ATP2B2: variants seen among roughly 807,000 people sequenced by gnomAD.
ATP2B2 encodes the protein ATPase plasma membrane Ca2+ transporting 2.
Under a neutral mutation model 120.0 loss-of-function variants are expected in ATP2B2, and 15 were observed. That is an observed-to-expected ratio of 0.12 (90% CI 0.08 to 0.19). The LOEUF (loss-of-function observed/expected upper bound fraction) is 0.19. Ranked by LOEUF, ATP2B2 falls within the 10% of genes least tolerant of loss-of-function variation. ATP2B2 has a pLI of 1.00. For synonymous variants in ATP2B2, 694 were observed against 700.3 expected (o/e 0.99, Z 0.14); for missense variants, 1,045 against 1,719.8 (o/e 0.61, Z 6.94).
chr3:10,542,210 T>C (rs1211773847), intron 2 of ATP2B2, among the ~76,000 whole-genome samples: 1 of 152,208 alleles, frequency 6.6e-6, no homozygotes, highest in East Asian at 1.9e-4. Flanking sequence ...TGCCAATCTT[T>C]GTCTTTGAAT....
intron 22 of ATP2B2, among the ~76,000 whole-genome samples, chr3:10,336,999 G>A (rs2060134191): frequency 6.6e-6 from 1 of 152,212 alleles, no homozygotes; most frequent in African/African-American, 2.4e-5. Flanking sequence ...GGTGGGGGCA[G>A]GCTGGGAGGG....
At chr3:10,565,981 C>T (rs986006671) in intron 2 of ATP2B2, among the ~76,000 whole-genome samples, 1 of 152,180 alleles carries the variant, frequency 6.6e-6, no homozygotes, top group Non-Finnish European at 1.5e-5. Context: ...CATCTGTCCA[C>T]CCACTCATCC....
intron 1 of ATP2B2, among the ~76,000 whole-genome samples, chr3:10,482,138 T>C (rs899643233): frequency 2.6e-5 from 4 of 152,192 alleles, no homozygotes; most frequent in Non-Finnish European, 5.9e-5. Flanking sequence ...GGTAGGTGCT[T>C]AATGTCTAGT....
intron 1 of ATP2B2, among the ~76,000 whole-genome samples, chr3:10,674,349 T>C (rs563351408): frequency 2.0e-5 from 3 of 152,358 alleles, no homozygotes; most frequent in Admixed American, 6.5e-5. Flanking sequence ...TTTTAGGTCC[T>C]GGATTAAGCT....
At chr3:10,700,375 C>T (rs114884105) in intron 1 of ATP2B2, among the ~76,000 whole-genome samples, 4 of 152,094 alleles carry the variant, frequency 2.6e-5, no homozygotes, top group Non-Finnish European at 5.9e-5. Flanking sequence ...TGATTTCCTG[C>T]GATATGTCCC....
chr3:10,653,339 A>ATTT (rs563445726), intron 1 of ATP2B2, among the ~76,000 whole-genome samples: 391 of 152,260 alleles, frequency 2.6e-3, no homozygotes, highest in African/African-American at 9.0e-3. Context: ...CCAAGACTTC[A>ATTT]AAGTGCCCAG....
At chr3:10,511,645 C>T (rs2066763432) in intron 3 of ATP2B2, among the ~76,000 whole-genome samples, 2 of 152,206 alleles carry the variant, frequency 1.3e-5, no homozygotes, top group Admixed American at 6.5e-5. Flanking sequence ...TCAGATCCCA[C>T]TGCCCAGAGA....
chr3:10,666,280 A>C (rs2070931016), intron 1 of ATP2B2, among the ~76,000 whole-genome samples: 1 of 152,194 alleles, frequency 6.6e-6, no homozygotes, highest in Non-Finnish European at 1.5e-5. Flanking sequence ...AGATGACCAG[A>C]GTGGGCACGG....
chr3:10,449,734 G>A lies in ATP2B2; in HGVS notation c.-191C>T, dbSNP rs2063967479. ...GTGACAGTGGTGGTGAGCTCCAAGAGGTGTCCTCCGGTGTGGGACGAGGTC... is the reference window on the plus strand; with the variant it reads ...GTGACAGTGGTGGTGAGCTCCAAGAAGTGTCCTCCGGTGTGGGACGAGGTC... On this transcript the variant is annotated 5_prime_UTR_variant, in exon 2 of 23. Transcript: ENST00000360273. 1 of 680,490 alleles carries A rather than the reference G, an allele frequency of 1.5e-6. No individual in the cohort carries two copies. The highest frequency in any genetic ancestry group is 1.6e-5 in the South Asian group (1 of 61,136). 42.2% of individuals were successfully genotyped at this position (680,490 alleles called of 1,614,324 possible).
intron 1 of ATP2B2, among the ~76,000 whole-genome samples, chr3:10,656,684 T>A (rs1488242330): frequency 1.3e-5 from 2 of 152,184 alleles, no homozygotes; most frequent in Admixed American, 6.5e-5. Context: ...AGTGGAGAGA[T>A]GCAAAATGGA....
intron 1 of ATP2B2, among the ~76,000 whole-genome samples, chr3:10,691,770 T>C (rs938919144): frequency 1.8e-4 from 28 of 152,212 alleles, no homozygotes; most frequent in African/African-American, 6.8e-4. Flanking sequence ...GGTTTCTACA[T>C]GTCTGCACTT....
chr3:10,357,367 A>C (rs2060766780), intron 14 of ATP2B2, among the ~76,000 whole-genome samples: 1 of 152,116 alleles, frequency 6.6e-6, no homozygotes, highest in South Asian at 2.1e-4. Flanking sequence ...AGGATCACAG[A>C]TCTGTCTGAT....
At chr3:10,624,306 G>A (rs2069632787) in intron 1 of ATP2B2, among the ~76,000 whole-genome samples, 1 of 152,164 alleles carries the variant, frequency 6.6e-6, no homozygotes, top group Non-Finnish European at 1.5e-5. Context: ...CACCCCCTCA[G>A]TAACTTTTCC....
chr3:10,431,918 T>C (rs1447764761), intron 2 of ATP2B2, among the ~76,000 whole-genome samples: 1 of 152,140 alleles, frequency 6.6e-6, no homozygotes, highest in East Asian at 1.9e-4. Context: ...TTAAAGCTAT[T>C]TATAGCAAAA....
chr3:10,681,761 AT>A (rs1364667533), intron 1 of ATP2B2, among the ~76,000 whole-genome samples: 2 of 152,226 alleles, frequency 1.3e-5, no homozygotes, highest in African/African-American at 4.8e-5. Flanking sequence ...AGACTTATCA[AT>A]GTTAAGGAAC....
At chr3:10,639,929 A>C (rs951650370) in intron 1 of ATP2B2, among the ~76,000 whole-genome samples, 19 of 152,232 alleles carry the variant, frequency 1.2e-4, no homozygotes, top group African/African-American at 2.4e-5. Context: ...GGCACAGAGC[A>C]AGGTGAAGAG....
At chr3:10,666,109 C>A (rs2070925085) in intron 1 of ATP2B2, among the ~76,000 whole-genome samples, 1 of 152,182 alleles carries the variant, frequency 6.6e-6, no homozygotes, top group South Asian at 2.1e-4. Context: ...CATGCAGCAC[C>A]CCTGGCTGCC....
intron 1 of ATP2B2, among the ~76,000 whole-genome samples, chr3:10,624,356 C>T (rs908146398): frequency 6.6e-6 from 1 of 152,082 alleles, no homozygotes; most frequent in Admixed American, 6.5e-5. Flanking sequence ...ATATGAGGCC[C>T]CTCTGCCTCT....
intron 1 of ATP2B2, among the ~76,000 whole-genome samples, chr3:10,666,886 C>A (rs2070953709): frequency 6.6e-6 from 1 of 152,210 alleles, no homozygotes; most frequent in South Asian, 2.1e-4. Flanking sequence ...CAGTGTTCTG[C>A]CCCCACGACT....
Sources: gnomAD v4.1 joint callset for allele counts (sites outside exome capture counted in the v4.1 genomes callset) on GRCh38, gnomAD v4.1.1 for gene constraint, MANE v1.5 for transcripts, NCBI Gene and HGNC (gene_info 2026-07-23, HGNC 2026-07-21) for gene names.